MMUT: variants seen among roughly 807,000 people sequenced by gnomAD.
The protein encoded by MMUT is methylmalonyl-CoA mutase, also known as methylmalonyl-CoA mutase, mitochondrial.
A neutral mutation model predicts 79.9 loss-of-function variants in MMUT; 79 were observed. The observed-to-expected ratio is 0.99, with a 90% confidence interval of 0.82 to 1.19. The LOEUF (loss-of-function observed/expected upper bound fraction) is 1.19, where lower values mean the gene tolerates loss of function less well. MMUT is among the 50% of genes most tolerant of loss of function. The probability of loss-of-function intolerance (pLI) is 0.00; values close to 1 mark genes in which losing one functional copy is unlikely to be tolerated. For missense variants in MMUT, 860 were observed against 917.2 expected (o/e 0.94, Z 0.81); for synonymous variants, 273 against 295.7 (o/e 0.92, Z 0.79).
chr6:49,441,925 C>T lies in MMUT; in HGVS notation c.1723G>A (p.Glu575Lys). The T allele has an allele frequency of 1.2e-6, 2 of 1,611,938 alleles. No individual in the cohort carries two copies. The highest frequency in any genetic ancestry group is 2.2e-5 in the South Asian group (2 of 91,028). The change falls in exon 10 of 13, where the codon GAA (glutamate) becomes AAA (lysine). Residue 575 changes from glutamate (E) to lysine (K), a missense_variant. Physicochemically the swap from Glu to Lys is moderately conservative, Grantham distance 56. Transcript: ENST00000274813. Reference protein sequence around the residue: ...ITDALKKVFGEHKANDRMVSG... With the variant: ...ITDALKKVFGKHKANDRMVSG... ...ACCATTCGATCATTCGCTTTATGTT[C>T]ACCAAATACCTTTTTCAGGGCATCT...
rs1020516528 is a variant in MMUT, at chr6:49,457,557, A to G, written c.753+134T>C. The G allele has an allele frequency of 6.5e-6, 5 of 775,082 alleles. No individual in the cohort carries two copies. The Admixed American group carries it at 9.5e-5, about 15-fold the overall frequency. The allele number at this position is 775,082 out of a possible 1,614,324, so 48.0% of individuals were successfully genotyped here. On this transcript the variant is annotated intron_variant, in intron 3 of 12. Transcript: ENST00000274813. ...AGAACATAAAATTAGTACATTAAAA[A>G]CAAAAAGTAACAATAACAAAACATT...
Position 49,447,777 on chromosome 6 carries a change from C to G in MMUT, c.1453G>C (p.Val485Leu). Residue 485 changes from valine (V) to leucine (L), a missense_variant, in exon 8 of 13, where the codon GTA becomes CTA. Transcript: ENST00000274813. The stretch of plus-strand genomic sequence containing the variant: ...TGGTACTTATTTACTCCAACAATTA[C>G]TTCAGAACCTGGTAATTTCCCAAAG... ...RQARIDSGSE[V>L]IVGVNKYQLE... 1 of 1,593,052 alleles carries G rather than the reference C, an allele frequency of 6.3e-7. No individual in the cohort carries two copies. Among genetic ancestry groups the G allele is most frequent in the Non-Finnish European group, 8.6e-7 (1 of 1,161,548 alleles).
intron 12 of MMUT, among the ~76,000 whole-genome samples, chr6:49,432,416 C>T (rs1349433211): frequency 6.6e-6 from 1 of 151,606 alleles, no homozygotes; most frequent in Non-Finnish European, 1.5e-5. Context: ...GAGATGGAGT[C>T]TCGCTCTGTT....
chr6:49,444,175 G>T (rs6458691), intron 9 of MMUT, among the ~76,000 whole-genome samples: 1 of 151,992 alleles, frequency 6.6e-6, no homozygotes, highest in African/African-American at 2.4e-5. Context: ...GACTGGGAGG[G>T]GGGTGTGGGG....
At chr6:49,446,175 A>G (rs1166296687) in intron 8 of MMUT, among the ~76,000 whole-genome samples, 3 of 151,946 alleles carry the variant, frequency 2.0e-5, no homozygotes, top group Admixed American at 6.6e-5. Flanking sequence ...GCTGACGGTT[A>G]CAGAAAAATA....
chr6:49,455,278 T>C (rs72855809), intron 4 of MMUT, among the ~76,000 whole-genome samples: 31,978 of 152,058 alleles, frequency 0.21, 3,610 homozygotes, highest in South Asian at 0.28. Context: ...CTGAAAAACA[T>C]CACTATAAAT....
intron 12 of MMUT, among the ~76,000 whole-genome samples, 167 bp downstream of exon 12, chr6:49,435,278 CAATATAACTTG>C (rs1405211693): frequency 6.6e-6 from 1 of 152,134 alleles, no homozygotes; most frequent in Non-Finnish European, 1.5e-5. Context: ...TAATAAATTG[CAATATAACTTG>C]AATGCAAAAC....
intron 11 of MMUT, among the ~76,000 whole-genome samples, chr6:49,437,392 T>A (rs1026176115): frequency 2.0e-5 from 3 of 152,052 alleles, no homozygotes; most frequent in Non-Finnish European, 2.9e-5. Flanking sequence ...AATTATACAG[T>A]ATCACTACCA....
At chr6:49,460,295 A>G (rs1348011806) in intron 1 of MMUT, among the ~76,000 whole-genome samples, 2 of 152,156 alleles carry the variant, frequency 1.3e-5, no homozygotes, top group African/African-American at 4.8e-5. Context: ...TATTTTACAG[A>G]TTAGGAAACT....
At chr6:49,444,512 A>ATGGATGCC in intron 9 of MMUT, 127 bp downstream of exon 9, 1 of 756,468 alleles carries the variant, frequency 1.3e-6, no homozygotes, top group African/African-American at 1.7e-5. Flanking sequence ...TAAATTTACG[A>ATGGATGCC]TGGATGCCAT....
At chr6:49,453,872 C>G (rs1387913512) in intron 4 of MMUT, 116 bp from the exon 5 acceptor site, 3 of 891,482 alleles carry the variant, frequency 3.4e-6, no homozygotes, top group Non-Finnish European at 5.3e-6. Context: ...TTTCGAAGAA[C>G]TTAATTTGAA....
Position 49,431,682 on chromosome 6 carries a change from T to C in MMUT, c.*46A>G, listed in dbSNP as rs1766980815. ...ATAGCTTTACTCTCTTCTTTGATCATAACTAAAATAATATTTTAGACAAAA... is the reference window on the plus strand; with the variant it reads ...ATAGCTTTACTCTCTTCTTTGATCACAACTAAAATAATATTTTAGACAAAA... On this transcript the variant is annotated 3_prime_UTR_variant, in exon 13 of 13. Transcript: ENST00000274813. The C allele has an allele frequency of 6.3e-7, 1 of 1,577,276 alleles. No homozygotes were observed. Among genetic ancestry groups the C allele is most frequent in the Non-Finnish European group, 8.7e-7 (1 of 1,148,390 alleles).
rs1002613804 is a variant in MMUT, at chr6:49,447,810, T to A, written c.1445-25A>T. 3 of 1,329,806 alleles carry A rather than the reference T, an allele frequency of 2.3e-6. No individual in the cohort carries two copies. The African/African-American group carries it at 4.3e-5, about 19-fold the overall frequency. The allele number at this position is 1,329,806 out of a possible 1,614,324, so 82.4% of individuals were successfully genotyped here. ...CCTGGTAATTTCCCAAAGAAAAATT[T>A]TATTCACAAATAATTACCTAATTGT... On this transcript the variant is annotated intron_variant, in intron 7 of 12. Coordinates refer to ENST00000274813, the MANE Select transcript of MMUT (RefSeq NM_000255.4).
At chr6:49,433,865 T>C (rs1767052990) in intron 12 of MMUT, among the ~76,000 whole-genome samples, 1 of 152,220 alleles carries the variant, frequency 6.6e-6, no homozygotes, top group African/African-American at 2.4e-5. Flanking sequence ...TATAATTATA[T>C]AATACCCATA....
rs761961877 is a variant in MMUT at position 49,457,883 on chromosome 6, A to C, written c.561T>G (p.Thr187=). 1.2e-6 allele frequency: 2 copies of C among 1,613,880 alleles called. No homozygotes were observed. The highest frequency in any genetic ancestry group is 2.2e-5 in the South Asian group (2 of 91,074). Residue 187 remains threonine (T), a synonymous_variant, in exon 3 of 13, where the codon ACT becomes ACG. Coordinates refer to ENST00000274813, the MANE Select transcript of MMUT (RefSeq NM_000255.4). ...IPLEKMSVSM[T]MNGAVIPVLA... Reference sequence around the variant, plus strand: ...GAACTGGAATAACTGCTCCATTCATAGTCATGGAAACTGACATTTTTTCTA... The same window carrying C: ...GAACTGGAATAACTGCTCCATTCATCGTCATGGAAACTGACATTTTTTCTA...
Position 49,440,300 on chromosome 6 carries a change from T to C in MMUT, c.1862A>G (p.Lys621Arg). The C allele has an allele frequency of 2.5e-6, 4 of 1,614,080 alleles. No individual in the cohort carries two copies. Among genetic ancestry groups the C allele is most frequent in the Non-Finnish European group, 3.4e-6 (4 of 1,179,962 alleles). ...TCTGTCATGGCCATCTTGTCCCATT[T>C]TTGCTACAAGAAGACGAGGTCTGCG... ...EGRRPRLLVA[K>R]MGQDGHDRGA... The change falls in exon 11 of 13, where the codon AAA becomes AGA. Residue 621 changes from lysine (K) to arginine (R), a missense_variant. By Grantham distance (26) the Lys-to-Arg change is conservative. Transcript: ENST00000274813.
chr6:49,455,739 A>T (rs937642633), intron 4 of MMUT, among the ~76,000 whole-genome samples: 96 of 152,346 alleles, frequency 6.3e-4, no homozygotes, highest in Middle Eastern at 6.8e-3. Flanking sequence ...AGAAAAAAAA[A>T]TAATAATAGA....
rs1554157973 is a variant in MMUT, at chr6:49,431,787, C to CA, written c.2193dup (p.Ala732CysfsTer6). The CA allele has an allele frequency of 5.6e-6, 9 of 1,613,922 alleles. No homozygotes were observed. Among genetic ancestry groups the CA allele is most frequent in the Non-Finnish European group, 6.8e-6 (8 of 1,179,944 alleles). On this transcript the variant is annotated frameshift_variant, in exon 13 of 13. Coordinates refer to ENST00000274813, the MANE Select transcript of MMUT (RefSeq NM_000255.4). LOFTEE classifies it high-confidence loss of function. ...TCAATATCATCAAGCACCTGAACGGCAGCCTTTGGAATTCGAGTCCCAGGA... is the reference window on the plus strand; with the variant it reads ...TCAATATCATCAAGCACCTGAACGGCAAGCCTTTGGAATTCGAGTCCCAGGA...
chr6:49,439,295 A>G (rs1352789371), intron 11 of MMUT, among the ~76,000 whole-genome samples: 1 of 152,178 alleles, frequency 6.6e-6, no homozygotes, highest in Non-Finnish European at 1.5e-5. Flanking sequence ...ACAGGCCAAG[A>G]GCTGTCTCTC....
Sources: allele counts gnomAD v4.1 joint callset (sites outside exome capture counted in the v4.1 genomes callset), GRCh38; gene constraint gnomAD v4.1.1; transcripts MANE v1.5; gene names NCBI Gene and HGNC (gene_info 2026-07-23, HGNC 2026-07-21).